The following GDF10 variants were observed in gnomAD, a reference collection of about 807,000 sequenced individuals.
The protein encoded by GDF10 is growth/differentiation factor 10.
A neutral mutation model predicts 32.1 loss-of-function variants in GDF10; 23 were observed. That is an observed-to-expected ratio of 0.72 (90% CI 0.52 to 1.02). The LOEUF (loss-of-function observed/expected upper bound fraction) is 1.02, where lower values mean the gene tolerates loss of function less well. Ranked by LOEUF, GDF10 falls within the 50% of genes least tolerant of loss-of-function variation. GDF10 has a pLI of 0.00. For synonymous variants in GDF10, 328 were observed against 303.1 expected, an observed-to-expected ratio of 1.08 and a Z score of -0.85; for missense variants, 764 against 673.9, an observed-to-expected ratio of 1.13 and a Z score of -1.48.
rs201899920 is a variant in GDF10 at position 47,309,893 on chromosome 10, G to A, written c.417G>A (p.Pro139=). Reference sequence around the variant, plus strand: ...CCACTTTCCACTTCTACTCAGAGCCGCCTCGGTGGCCTCGAGCGCTCGAGG... The same window carrying A: ...CCACTTTCCACTTCTACTCAGAGCCACCTCGGTGGCCTCGAGCGCTCGAGG... ...LTATFHFYSE[P]PRWPRALEVL... is the part of the protein sequence containing the mutation. The change falls in exon 2 of 3, where the codon CCG becomes CCA. Residue 139 remains proline, a synonymous_variant. Coordinates refer to ENST00000580279, the MANE Select transcript of GDF10 (RefSeq NM_004962.5). 9.6e-5 allele frequency: 155 copies of A among 1,612,950 alleles called. No individual in the cohort carries two copies. The Admixed American group carries it at 2.2e-3, about 23-fold the overall frequency.
intron 1 of GDF10, among the ~76,000 whole-genome samples, chr10:47,303,255 G>T (rs1157612627): frequency 6.6e-6 from 1 of 152,176 alleles, no homozygotes; most frequent in Non-Finnish European, 1.5e-5. Flanking sequence ...CCCCAGTGGT[G>T]GGTTTCTGCT....
intron 1 of GDF10, among the ~76,000 whole-genome samples, chr10:47,302,345 G>A (rs1195276931): frequency 6.6e-6 from 1 of 152,166 alleles, no homozygotes; most frequent in East Asian, 1.9e-4. Context: ...GTTGATGTAC[G>A]GGATTCCCCT....
At position 47,300,553 on chromosome 10, in the gene GDF10, C is replaced by T; in HGVS notation, c.-99C>T. ...AGCGCCCTGCTGCCCGGGCTCTCCC[C>T]GCGCGCCCTACTGCCGCGAGGTCAG... On this transcript the variant is annotated 5_prime_UTR_variant, in exon 1 of 3. Coordinates refer to ENST00000580279, the MANE Select transcript of GDF10 (RefSeq NM_004962.5). The T allele has an allele frequency of 2.6e-6, 3 of 1,138,956 alleles. No homozygotes were observed. Among genetic ancestry groups the T allele is most frequent in the South Asian group, 1.6e-5 (1 of 61,882 alleles). 70.6% of individuals were successfully genotyped at this position (1,138,956 alleles called of 1,614,324 possible).
At position 47,310,199 on chromosome 10, in the gene GDF10, G is replaced by A. The variant is rs368864625; in HGVS notation, c.723G>A (p.Ala241=). The change falls in exon 2 of 3, where the codon GCG becomes GCA. Residue 241 remains alanine (A), a synonymous_variant. Transcript: ENST00000580279. ...GGGTGCCCCGGCCCAGCCCCTATGC[G>A]CCCTACATCCTAGTCTATGCCAACG... The part of the protein sequence containing the change: ...DPGVPRPSPY[A]PYILVYANDL... 6.2e-7 allele frequency: 1 copy of A among 1,611,416 alleles called. No homozygotes were observed. Among genetic ancestry groups the A allele is most frequent in the Non-Finnish European group, 8.5e-7 (1 of 1,179,082 alleles).
At chr10:47,308,708 G>A (rs944514206) in intron 1 of GDF10, among the ~76,000 whole-genome samples, 20 of 152,116 alleles carry the variant, frequency 1.3e-4, no homozygotes, top group African/African-American at 4.3e-4. Context: ...AGGACACTTC[G>A]TTGTCAGGAA....
At chr10:47,310,809 C>G (rs2132226759) in intron 2 of GDF10, 88 bp downstream of exon 2, 1 of 881,766 alleles carries the variant, frequency 1.1e-6, no homozygotes. Flanking sequence ...TTCTGTTTCC[C>G]CATCTGCAAA....
In GDF10 at chr10:47,309,912, C is replaced by A; in HGVS notation, c.436C>A (p.Leu146Ile). The stretch of plus-strand genomic sequence containing the variant: ...AGAGCCGCCTCGGTGGCCTCGAGCG[C>A]TCGAGGTGCTATGCAAGCCGCGGGC... The part of the protein sequence containing the change: ...YSEPPRWPRA[L>I]EVLCKPRAKN... Residue 146 changes from leucine (L) to isoleucine (I), a missense_variant, in exon 2 of 3, where the codon CTC becomes ATC. By Grantham distance (5) the Leu-to-Ile change is conservative. Coordinates refer to ENST00000580279, the MANE Select transcript of GDF10 (RefSeq NM_004962.5). The A allele has an allele frequency of 6.2e-7, 1 of 1,612,918 alleles. No individual in the cohort carries two copies. The highest frequency in any genetic ancestry group is 1.7e-4 in the Middle Eastern group (1 of 6,058).
chr10:47,309,808 A>T lies in GDF10; in HGVS notation c.332A>T (p.Gln111Leu). Reference protein sequence around the residue: ...SFRARLEVVDQKAVYFFNLTS... With the variant: ...SFRARLEVVDLKAVYFFNLTS... ...CCTTCCCTCACAGAAGTGGTCGACC[A>T]GAAGGCCGTGTATTTCTTCAACCTG... The change falls in exon 2 of 3, where the codon CAG (glutamine) becomes CTG (leucine). Residue 111 changes from glutamine to leucine, a missense_variant. By Grantham distance (113) the Gln-to-Leu change is moderately radical. Transcript: ENST00000580279. 6.2e-7 allele frequency: 1 copy of T among 1,607,604 alleles called. No homozygotes were observed.
At position 47,310,667 on chromosome 10, in the gene GDF10, G is replaced by T; in HGVS notation, c.1191G>T (p.Pro397=). Residue 397 remains proline (P), a synonymous_variant, in exon 2 of 3, where the codon CCG becomes CCT. Coordinates refer to ENST00000580279, the MANE Select transcript of GDF10 (RefSeq NM_004962.5). ...GCTGGAATGAATGGATAATCTCACCGAAATCTTTTGATGCCTACTACTGCG... is the reference window on the plus strand; with the variant it reads ...GCTGGAATGAATGGATAATCTCACCTAAATCTTTTGATGCCTACTACTGCG... ...DIGWNEWIIS[P]KSFDAYYCAG... is the part of the protein sequence containing the mutation. The T allele has an allele frequency of 6.2e-7, 1 of 1,614,082 alleles. No individual in the cohort carries two copies. The highest frequency in any genetic ancestry group is 8.5e-7 in the Non-Finnish European group (1 of 1,179,912).
At chr10:47,307,431 C>G (rs1286095899) in intron 1 of GDF10, among the ~76,000 whole-genome samples, 1 of 152,184 alleles carries the variant, frequency 6.6e-6, no homozygotes, top group Non-Finnish European at 1.5e-5. Flanking sequence ...TTGGGCTCGG[C>G]TAAACTGAAA....
rs1475425207 is a variant in GDF10, at chr10:47,310,237, C to T, written c.761C>T (p.Ser254Leu). ...GTCTATGCCAACGATCTGGCCATCT[C>T]GGAGCCCAACAGCGTGGCAGTGACG... Reference protein sequence around the residue: ...ILVYANDLAISEPNSVAVTLQ... With the variant: ...ILVYANDLAILEPNSVAVTLQ... Residue 254 changes from serine to leucine, a missense_variant, in exon 2 of 3, where the codon TCG becomes TTG. Physicochemically the swap from Ser to Leu is moderately radical, Grantham distance 145. Transcript: ENST00000580279. 2.4e-5 allele frequency: 39 copies of T among 1,609,854 alleles called. No individual in the cohort carries two copies. The highest frequency in any genetic ancestry group is 3.3e-5 in the Non-Finnish European group (39 of 1,178,364).
At position 47,310,325 on chromosome 10, in the gene GDF10, A is replaced by G; in HGVS notation, c.849A>G (p.Ser283=). The G allele has an allele frequency of 6.2e-7, 1 of 1,606,802 alleles. No individual in the cohort carries two copies. The highest frequency in any genetic ancestry group is 8.5e-7 in the Non-Finnish European group (1 of 1,177,182). The change falls in exon 2 of 3, where the codon TCA becomes TCG. Residue 283 remains serine, a synonymous_variant. Transcript: ENST00000580279. ...DPEPRAAPNN[S]ADPRVRRAAQ... ...AGCCCCGCGCAGCCCCCAACAACTC[A>G]GCGGACCCCCGCGTGCGCCGAGCCG...
chr10:47,307,745 G>C (rs1190646407), intron 1 of GDF10, among the ~76,000 whole-genome samples: 4 of 152,252 alleles, frequency 2.6e-5, no homozygotes, highest in Non-Finnish European at 5.9e-5. Context: ...GAGGAGTTGA[G>C]ACTTGAACTG....
chr10:47,310,692 G>A lies in GDF10; in HGVS notation c.1216G>A (p.Ala406Thr), dbSNP rs782375111. The A allele has an allele frequency of 9.9e-6, 16 of 1,613,484 alleles. No homozygotes were observed. Among genetic ancestry groups the A allele is most frequent in the Non-Finnish European group, 1.2e-5 (14 of 1,179,524 alleles). ...GAAATCTTTTGATGCCTACTACTGC[G>A]CGGGAGCATGTGAGTTCCCCATGCC... ...SPKSFDAYYC[A>T]GACEFPMPKI... The change falls in exon 2 of 3, where the codon GCG becomes ACG. Residue 406 changes from alanine (A) to threonine (T), a missense_variant. Physicochemically the swap from Ala to Thr is moderately conservative, Grantham distance 58 (BLOSUM62 0). Coordinates refer to ENST00000580279, the MANE Select transcript of GDF10 (RefSeq NM_004962.5).
At chr10:47,301,656 G>C (rs543090691) in intron 1 of GDF10, among the ~76,000 whole-genome samples, 1 of 152,324 alleles carries the variant, frequency 6.6e-6, no homozygotes, top group Admixed American at 6.5e-5. Flanking sequence ...TGTTCTGAGA[G>C]CACTTCCAGG....
chr10:47,312,986 G>A lies in GDF10; in HGVS notation c.*194G>A, dbSNP rs1407283245. On this transcript the variant is annotated 3_prime_UTR_variant, in exon 3 of 3. Transcript: ENST00000580279. ...CTAGTGACTAGCCCCTTAAATGCCA[G>A]CCTGAGTACCTGAAGGAATCTGGGA... 5 of 430,198 alleles carry A rather than the reference G, an allele frequency of 1.2e-5. No individual in the cohort carries two copies. The highest frequency in any genetic ancestry group is 2.0e-5 in the Non-Finnish European group (5 of 244,492). The allele number at this position is 430,198 out of a possible 1,614,324, so 26.6% of individuals were successfully genotyped here.
rs781830173 is a variant in GDF10 at position 47,300,768 on chromosome 10, C to G, written c.117C>G (p.Ala39=). ...RDVAGSHRAP[A]WSALPAAADG... is the part of the protein sequence containing the mutation. ...TGGCCGGCAGCCACAGGGCCCCCGC[C>G]TGGTCCGCACTGCCCGCGGCCGCCG... The change falls in exon 1 of 3, where the codon GCC becomes GCG. Residue 39 remains alanine, a synonymous_variant. Transcript: ENST00000580279. 10 of 1,569,172 alleles carry G rather than the reference C, an allele frequency of 6.4e-6. No individual in the cohort carries two copies. The highest frequency in any genetic ancestry group is 1.7e-4 in the Middle Eastern group (1 of 5,874).
chr10:47,307,483 C>G (rs1393502320), intron 1 of GDF10, among the ~76,000 whole-genome samples: 1 of 152,178 alleles, frequency 6.6e-6, no homozygotes, highest in Non-Finnish European at 1.5e-5. Context: ...CAGCCTGGAG[C>G]CCCCTGCACT....
chr10:47,303,853 G>A (rs1361531935), intron 1 of GDF10, among the ~76,000 whole-genome samples: 1 of 152,218 alleles, frequency 6.6e-6, no homozygotes, highest in Non-Finnish European at 1.5e-5. Flanking sequence ...AATTCAAGTT[G>A]ATTTCAGTTC....
Sources: allele counts gnomAD v4.1 joint callset (sites outside exome capture counted in the v4.1 genomes callset), GRCh38; gene constraint gnomAD v4.1.1; transcripts MANE v1.5; gene names NCBI Gene and HGNC (gene_info 2026-07-23, HGNC 2026-07-21).